CDH13: variants seen among roughly 807,000 people sequenced by gnomAD.
The protein encoded by CDH13 is cadherin 13.
Under a neutral mutation model 63.8 loss-of-function variants are expected in CDH13, and 24 were observed. The observed-to-expected ratio is 0.38, with a 90% CI of 0.27 to 0.53. The LOEUF (loss-of-function observed/expected upper bound fraction) is 0.53. Ranked by LOEUF, CDH13 falls within the 20% of genes least tolerant of loss-of-function variation. CDH13 has a pLI of 0.85. For synonymous variants in CDH13, 503 were observed against 355.3 expected, an observed-to-expected ratio of 1.42 and a Z score of -4.67; for missense variants, 1,049 against 903.1, an observed-to-expected ratio of 1.16 and a Z score of -2.07.
At chr16:82,672,516 C>T (rs760670830) in intron 1 of CDH13, among the ~76,000 whole-genome samples, 63 of 152,086 alleles carry the variant, frequency 4.1e-4, no homozygotes, top group African/African-American at 8.9e-4. Flanking sequence ...CACCCGGATT[C>T]GAAACGTCCA....
intron 4 of CDH13, among the ~76,000 whole-genome samples, chr16:83,203,576 A>C (rs2039095062): frequency 7.0e-6 from 1 of 143,882 alleles, no homozygotes; most frequent in African/African-American, 2.6e-5. Flanking sequence ...AGTCCCAGCT[A>C]CTTGGGAGGC....
At chr16:83,054,999 C>G (rs1045084837) in intron 3 of CDH13, among the ~76,000 whole-genome samples, 1 of 151,824 alleles carries the variant, frequency 6.6e-6, no homozygotes, top group African/African-American at 2.4e-5. Flanking sequence ...TATATTCTGA[C>G]CATTTTAAAT....
chr16:83,255,138 C>G (rs1906100041), intron 5 of CDH13, among the ~76,000 whole-genome samples: 1 of 152,094 alleles, frequency 6.6e-6, no homozygotes, highest in Non-Finnish European at 1.5e-5. Context: ...TAAAAAAATA[C>G]TGACTCTAGA....
At chr16:83,253,024 C>T (rs144948483) in intron 5 of CDH13, among the ~76,000 whole-genome samples, 1 of 152,076 alleles carries the variant, frequency 6.6e-6, no homozygotes, top group Non-Finnish European at 1.5e-5. Context: ...TGAGGTATTG[C>T]GTGCCAAACC....
At chr16:83,415,444 C>T (rs1187107436) in intron 6 of CDH13, among the ~76,000 whole-genome samples, 1 of 152,050 alleles carries the variant, frequency 6.6e-6, no homozygotes, top group Non-Finnish European at 1.5e-5. Flanking sequence ...GACACCAAAG[C>T]CAGACAAACA....
intron 7 of CDH13, among the ~76,000 whole-genome samples, chr16:83,596,451 G>A (rs1434422523): frequency 1.3e-5 from 2 of 152,166 alleles, no homozygotes; most frequent in Non-Finnish European, 2.9e-5. Context: ...TTCTTGGCAA[G>A]AGAGACAAAC....
chr16:82,920,228 C>T (rs1310343548), intron 2 of CDH13, among the ~76,000 whole-genome samples: 3 of 152,202 alleles, frequency 2.0e-5, no homozygotes, highest in African/African-American at 7.2e-5. Flanking sequence ...GTGTTGGCTC[C>T]ATTCCCCATG....
At chr16:83,101,083 C>T (rs1021858892) in intron 3 of CDH13, among the ~76,000 whole-genome samples, 16 of 152,170 alleles carry the variant, frequency 1.1e-4, no homozygotes, top group African/African-American at 3.9e-4. Flanking sequence ...ATGCCAGACA[C>T]TGGTCTAGGC....
chr16:82,933,407 A>G (rs1567673571), intron 2 of CDH13, among the ~76,000 whole-genome samples: 1 of 151,936 alleles, frequency 6.6e-6, no homozygotes, highest in Non-Finnish European at 1.5e-5. Flanking sequence ...TCCAATCACC[A>G]CTCATGAGGT....
At chr16:82,972,701 G>A (rs1286319386) in intron 2 of CDH13, among the ~76,000 whole-genome samples, 1 of 152,130 alleles carries the variant, frequency 6.6e-6, no homozygotes, top group African/African-American at 2.4e-5. Context: ...GTGGTAGATT[G>A]GCACCATTCC....
At chr16:83,102,455 C>G (rs1328987013) in intron 3 of CDH13, among the ~76,000 whole-genome samples, 1 of 152,130 alleles carries the variant, frequency 6.6e-6, no homozygotes, top group African/African-American at 2.4e-5. Context: ...TGTGCCTGGA[C>G]TGAGCTGGAG....
chr16:83,173,027 C>T (rs763222650), intron 4 of CDH13, among the ~76,000 whole-genome samples: 1 of 152,076 alleles, frequency 6.6e-6, no homozygotes, highest in Non-Finnish European at 1.5e-5. Flanking sequence ...ATGTTACTAG[C>T]CCTTGCTGGG....
chr16:82,906,808 C>G (rs55750100), intron 2 of CDH13, among the ~76,000 whole-genome samples: 30,355 of 152,072 alleles, frequency 0.2, 4,137 homozygotes, highest in African/African-American at 0.38. Context: ...CTTGGCATTC[C>G]CTGCAGGTGC....
Position 83,217,419 on chromosome 16 carries a change from A to C in CDH13, c.558A>C (p.Gly186=), listed in dbSNP as rs1360699533. Residue 186 remains glycine, a synonymous_variant, in exon 5 of 14, where the codon GGA becomes GGC. Transcript: ENST00000567109. ...AGGGAGTGGATCAAGAGCCTAAAGG[A>C]ATTTTCAGAATCAATGAGAACACAG... ...TGKGVDQEPK[G]IFRINENTGS... is the part of the protein sequence containing the mutation. 2 of 1,613,826 alleles carry C rather than the reference A, an allele frequency of 1.2e-6. No homozygotes were observed. Among genetic ancestry groups the C allele is most frequent in the Non-Finnish European group, 8.5e-7 (1 of 1,179,868 alleles).
chr16:82,801,776 T>C (rs1429348907), intron 1 of CDH13, among the ~76,000 whole-genome samples: 1 of 152,244 alleles, frequency 6.6e-6, no homozygotes, highest in East Asian at 1.9e-4. Context: ...CTTGAACTGT[T>C]GAATCTATAC....
At chr16:83,308,921 A>G (rs1019169819) in intron 5 of CDH13, among the ~76,000 whole-genome samples, 1 of 152,212 alleles carries the variant, frequency 6.6e-6, no homozygotes, top group Non-Finnish European at 1.5e-5. Flanking sequence ...GAAGCCTCCA[A>G]AGAATTCACA....
At chr16:83,745,306 CA>C (rs1912472937) in intron 10 of CDH13, among the ~76,000 whole-genome samples, 1 of 152,186 alleles carries the variant, frequency 6.6e-6, no homozygotes, top group Admixed American at 6.5e-5. Flanking sequence ...ATCCACTTTG[CA>C]GGACAAAAAC....
At chr16:83,010,153 A>C (rs887552088) in intron 2 of CDH13, among the ~76,000 whole-genome samples, 6 of 148,198 alleles carry the variant, frequency 4.0e-5, no homozygotes, top group African/African-American at 7.4e-5. Context: ...AAAAAAAAAA[A>C]AAAAAAAAAC....
intron 1 of CDH13, among the ~76,000 whole-genome samples, chr16:82,837,948 G>T (rs79068730): frequency 0.015 from 2,261 of 152,324 alleles, 33 homozygotes; most frequent in Middle Eastern, 0.034. Context: ...CAACATTGCA[G>T]TCTGCAATCT....
Sources: gnomAD v4.1 joint callset for allele counts (sites outside exome capture counted in the v4.1 genomes callset) on GRCh38, gnomAD v4.1.1 for gene constraint, MANE v1.5 for transcripts, NCBI Gene and HGNC (gene_info 2026-07-23, HGNC 2026-07-21) for gene names.